The following FAM107B variants were observed in gnomAD, a reference collection of about 807,000 sequenced individuals.
FAM107B encodes protein FAM107B.
In FAM107B, 21 loss-of-function variants were observed where a neutral mutation model predicts 31.5. The ratio of observed to expected loss-of-function variants is 0.67; its 90% CI spans 0.47 to 0.96. The LOEUF is 0.96. Ranked by LOEUF, FAM107B falls within the 40% of genes least tolerant of loss-of-function variation. The probability of loss-of-function intolerance (pLI) is 0.00; values close to 1 mark genes in which losing one functional copy is unlikely to be tolerated. For missense variants in FAM107B, 452 were observed against 377.1 expected, an observed-to-expected ratio of 1.20 and a Z score of -1.64; for synonymous variants, 157 against 141.5, an observed-to-expected ratio of 1.11 and a Z score of -0.78.
intron 2 of FAM107B, among the ~76,000 whole-genome samples, chr10:14,634,329 G>T (rs890333624): frequency 5.9e-5 from 9 of 151,970 alleles, no homozygotes; most frequent in African/African-American, 1.9e-4. Context: ...AAACCCAGGA[G>T]GCTGGGGTTG....
chr10:14,680,696 C>A (rs1854812281), intron 1 of FAM107B, among the ~76,000 whole-genome samples: 1 of 152,014 alleles, frequency 6.6e-6, no homozygotes, highest in South Asian at 2.1e-4. Flanking sequence ...TTCCCACTAA[C>A]TTCCTCTGGC....
intron 2 of FAM107B, among the ~76,000 whole-genome samples, chr10:14,585,487 C>T (rs113018474): frequency 0.028 from 4,193 of 152,222 alleles, 111 homozygotes; most frequent in African/African-American, 0.066. Flanking sequence ...CCCTGGGGGG[C>T]GCCAGGAAAA....
At chr10:14,762,365 C>T (rs906242739) in intron 1 of FAM107B, among the ~76,000 whole-genome samples, 6 of 152,166 alleles carry the variant, frequency 3.9e-5, no homozygotes, top group Non-Finnish European at 8.8e-5. Flanking sequence ...GAGGGGGCTA[C>T]AGTGTTTCAC....
chr10:14,773,878 A>G (rs1357637490), intron 1 of FAM107B, among the ~76,000 whole-genome samples: 1 of 152,204 alleles, frequency 6.6e-6, no homozygotes, highest in African/African-American at 2.4e-5. Context: ...GGATTTTCAT[A>G]TAAATAAATT....
intron 1 of FAM107B, among the ~76,000 whole-genome samples, chr10:14,715,006 A>G (rs1195575599): frequency 6.6e-6 from 1 of 152,194 alleles, no homozygotes; most frequent in Non-Finnish European, 1.5e-5. Context: ...TGGTCCGCCC[A>G]TGGTCCTGTA....
intron 3 of FAM107B, chr10:14,522,321 A>C: frequency 3.5e-6 from 1 of 281,728 alleles, no homozygotes; most frequent in Non-Finnish European, 6.7e-6. Flanking sequence ...TGTGCGTACG[A>C]TGACTGTGAT....
rs565342151 is a variant in FAM107B, at chr10:14,666,812, A to C, written c.469+822T>G. Among the ~76,000 whole-genome samples the C allele has an allele frequency of 3.3e-5, 5 of 152,270 alleles. No individual in the cohort carries two copies. The South Asian group carries it at 1.0e-3, about 32-fold the overall frequency. On this transcript the variant is annotated intron_variant, in intron 2 of 4. Coordinates refer to ENST00000181796, the MANE Select transcript of FAM107B (RefSeq NM_031453.4). ...AAAGGGTGGAGCTGATTAATTGCTCATTGTGTCTCCTTCATCTATACCAGA... is the reference window on the plus strand; with the variant it reads ...AAAGGGTGGAGCTGATTAATTGCTCCTTGTGTCTCCTTCATCTATACCAGA...
chr10:14,740,355 A>T (rs184593740), intron 1 of FAM107B, among the ~76,000 whole-genome samples: 2 of 152,332 alleles, frequency 1.3e-5, no homozygotes, highest in African/African-American at 2.4e-5. Context: ...AGCCAGTCTG[A>T]AAAGGATACA....
In FAM107B at chr10:14,554,033, T is replaced by C. The variant is rs181355394; in HGVS notation, c.470-23518A>G. 426 of 904,516 alleles carry C rather than the reference T, an allele frequency of 4.7e-4. 2 individuals are homozygous for C. The African/African-American group carries it at 7.2e-3, about 15-fold the overall frequency. 56.0% of individuals were successfully genotyped at this position (904,516 alleles called of 1,614,324 possible). A position where few individuals can be genotyped will look rare whatever the true frequency, so the allele number is the denominator to read the frequency against. ...GGCTTGCTGCAAGGTTTGCCGCCTC[T>C]GGCCCATCCTAAGAGGCTCACTGCC... On this transcript the variant is annotated intron_variant, in intron 2 of 4. Coordinates refer to ENST00000181796, the MANE Select transcript of FAM107B (RefSeq NM_031453.4).
chr10:14,520,871 A>G lies in FAM107B; in HGVS notation c.*319T>C. The G allele has an allele frequency of 3.9e-6, 1 of 257,716 alleles. No individual in the cohort carries two copies. The highest frequency in any genetic ancestry group is 7.2e-6 in the Non-Finnish European group (1 of 138,300). 16.0% of individuals were successfully genotyped at this position (257,716 alleles called of 1,614,324 possible). ...AATGGAAGAAAAACCAAGTAGTGCAACTCTCAAGAATTGATTCCAGTGTCC... is the reference window on the plus strand; with the variant it reads ...AATGGAAGAAAAACCAAGTAGTGCAGCTCTCAAGAATTGATTCCAGTGTCC... On this transcript the variant is annotated 3_prime_UTR_variant, in exon 5 of 5. Transcript: ENST00000181796.
intron 1 of FAM107B, among the ~76,000 whole-genome samples, chr10:14,735,877 G>A (rs2768701): frequency 0.71 from 108,336 of 151,990 alleles, 39,323 homozygotes; most frequent in African/African-American, 0.87. Flanking sequence ...ACATTTCCTA[G>A]TGACATTACT....
chr10:14,712,551 G>A (rs907288602), intron 1 of FAM107B, among the ~76,000 whole-genome samples: 9 of 150,934 alleles, frequency 6.0e-5, no homozygotes, highest in African/African-American at 2.0e-4. Context: ...CCCAGATCGC[G>A]TCACTGCACT....
intron 2 of FAM107B, among the ~76,000 whole-genome samples, chr10:14,622,927 C>T (rs1853053211): frequency 6.6e-6 from 1 of 152,142 alleles, no homozygotes; most frequent in African/African-American, 2.4e-5. Context: ...CATTCATTAA[C>T]TACACAATTT....
rs372209526 is a variant in FAM107B at position 14,521,223 on chromosome 10, T to C, written c.888A>G (p.Thr296=). 4.3e-5 allele frequency: 70 copies of C among 1,614,094 alleles called. No homozygotes were observed. The highest frequency in any genetic ancestry group is 3.9e-5 in the Non-Finnish European group (46 of 1,180,034). The part of the protein sequence containing the change: ...FVKVKGNLRR[T]GQEVAQAQES ...CCTGGGCTTGGGCGACTTCTTGGCC[T>C]GTTCTCCTGAGATTGCCTTTCACCT... Residue 296 remains threonine (T), a synonymous_variant, in exon 5 of 5, where the codon ACA becomes ACG. Coordinates refer to ENST00000181796, the MANE Select transcript of FAM107B (RefSeq NM_031453.4).
intron 2 of FAM107B, among the ~76,000 whole-genome samples, chr10:14,554,544 G>A (rs191606070): frequency 3.9e-5 from 6 of 152,294 alleles, no homozygotes; most frequent in African/African-American, 1.4e-4. Context: ...AAATGGACTG[G>A]ACCAGTTGAG....
chr10:14,630,929 T>C (rs1400027700), intron 2 of FAM107B, among the ~76,000 whole-genome samples: 1 of 152,156 alleles, frequency 6.6e-6, no homozygotes, highest in Non-Finnish European at 1.5e-5. Context: ...AATGCTATTG[T>C]CTGAATTCTA....
At chr10:14,599,604 A>T (rs1181006826) in intron 2 of FAM107B, among the ~76,000 whole-genome samples, 1 of 152,180 alleles carries the variant, frequency 6.6e-6, no homozygotes, top group Non-Finnish European at 1.5e-5. Flanking sequence ...GGAGTTCAAG[A>T]TCAGCCGGGG....
intron 2 of FAM107B, among the ~76,000 whole-genome samples, chr10:14,537,033 A>T (rs1329261888): frequency 6.6e-6 from 1 of 152,140 alleles, no homozygotes; most frequent in African/African-American, 2.4e-5. Context: ...GGCAAGAAAC[A>T]TCCGACAGAC....
At chr10:14,754,308 G>A (rs1299887942) in intron 1 of FAM107B, among the ~76,000 whole-genome samples, 1 of 152,178 alleles carries the variant, frequency 6.6e-6, no homozygotes, top group East Asian at 1.9e-4. Flanking sequence ...GGGTCGTGGA[G>A]CCTCTTCTGA....
Sources: allele counts gnomAD v4.1 joint callset (sites outside exome capture counted in the v4.1 genomes callset), GRCh38; gene constraint gnomAD v4.1.1; transcripts MANE v1.5; gene names NCBI Gene and HGNC (gene_info 2026-07-23, HGNC 2026-07-21).